CHL1: variants seen among roughly 807,000 people sequenced by gnomAD.
CHL1 encodes cell adhesion molecule L1 like, also known as neural cell adhesion molecule L1-like protein.
A neutral mutation model predicts 141.9 loss-of-function variants in CHL1; 96 were observed. That is an observed-to-expected ratio of 0.68 (90% CI 0.57 to 0.80). The LOEUF (loss-of-function observed/expected upper bound fraction) is 0.80. Among genes scored for constraint, CHL1 ranks in the 30% least tolerant of loss-of-function variants. CHL1 has a pLI of 0.00. For synonymous variants in CHL1, 613 were observed against 502.2 expected, an observed-to-expected ratio of 1.22 and a Z score of -2.95; for missense variants, 1,820 against 1,457.2, an observed-to-expected ratio of 1.25 and a Z score of -4.05.
intron 1 of CHL1, among the ~76,000 whole-genome samples, chr3:203,174 C>A (rs1367784196): frequency 1.3e-5 from 2 of 152,174 alleles, no homozygotes; most frequent in African/African-American, 2.4e-5. Flanking sequence ...AGAAGAGGCA[C>A]CATAGTCTAT....
At chr3:337,547 T>C (rs1351566673) in intron 5 of CHL1, among the ~76,000 whole-genome samples, 1 of 140,072 alleles carries the variant, frequency 7.1e-6, no homozygotes, top group African/African-American at 2.7e-5. Flanking sequence ...CCCCGGTGTG[T>C]GATGTCCCCC....
At chr3:377,679 C>T (rs1706507447) in intron 15 of CHL1, 139 bp from the exon 16 acceptor site, 1 of 668,288 alleles carries the variant, frequency 1.5e-6, no homozygotes, top group African/African-American at 1.8e-5. Flanking sequence ...GTGGCATTCT[C>T]TAATCAAATT....
At chr3:293,360 G>A (rs1274333375) in intron 2 of CHL1, among the ~76,000 whole-genome samples, 2 of 151,990 alleles carry the variant, frequency 1.3e-5, no homozygotes, top group Non-Finnish European at 1.5e-5. Flanking sequence ...AAAATTAGCC[G>A]GGCATGATGG....
intron 14 of CHL1, among the ~76,000 whole-genome samples, chr3:364,642 T>G (rs955746902): frequency 2.0e-5 from 3 of 152,194 alleles, no homozygotes; most frequent in South Asian, 4.1e-4. Context: ...GGACACTTTT[T>G]TTTTTACATA....
chr3:398,263 C>T lies in CHL1; in HGVS notation c.3131C>T (p.Thr1044Ile), dbSNP rs201824716. ...GGGAAGATATCAGGAGTAAATCTTA[C>T]TCAAAAGACTCACCCAATAGAGGTA... ...GIGKISGVNLTQKTHPIEVFE... is the reference protein window; with the variant it reads ...GIGKISGVNLIQKTHPIEVFE... Residue 1044 changes from threonine to isoleucine, a missense_variant, in exon 25 of 28, where the codon ACT (threonine) becomes ATT (isoleucine). Transcript: ENST00000256509. 202 of 1,605,804 alleles carry T rather than the reference C, an allele frequency of 1.3e-4. No homozygotes were observed. The East Asian group carries it at 4.5e-3, about 36-fold the overall frequency.
rs150429197 is a variant in CHL1 at position 372,391 on chromosome 3, G to T, written c.1752-5427G>T. 7.4e-4 allele frequency among the ~76,000 whole-genome samples: 113 copies of T among 152,082 alleles called. No individual in the cohort carries two copies. In the Middle Eastern group the frequency reaches 0.01, roughly 14 times the overall value. On this transcript the variant is annotated intron_variant, in intron 15 of 27. Transcript: ENST00000256509. ...AATCTCATGTCCTTTCTTCCACTTG[G>T]TAGCTTTGGCTACTGATACTTGTGT...
At chr3:396,450 A>T (rs1354097994) in intron 24 of CHL1, among the ~76,000 whole-genome samples, 1 of 152,190 alleles carries the variant, frequency 6.6e-6, no homozygotes, top group Non-Finnish European at 1.5e-5. Flanking sequence ...AGCACATGAG[A>T]AAAAATATTC....
chr3:250,573 C>T (rs982774934), intron 2 of CHL1, among the ~76,000 whole-genome samples: 4 of 152,058 alleles, frequency 2.6e-5, no homozygotes, highest in Non-Finnish European at 4.4e-5. Flanking sequence ...ACGGGGAAGA[C>T]CCTCACAAAA....
chr3:409,171 T>G lies in CHL1; in HGVS notation c.*3460T>G, dbSNP rs560608539. Reference sequence around the variant, plus strand: ...AATAAGTAGGGTTCAGCCAAAGCTTTCTTTGTTTTGTACCTTAAATTGTTC... The same window carrying G: ...AATAAGTAGGGTTCAGCCAAAGCTTGCTTTGTTTTGTACCTTAAATTGTTC... On this transcript the variant is annotated 3_prime_UTR_variant, in exon 28 of 28. Transcript: ENST00000256509. The G allele has an allele frequency of 1.3e-5, 2 of 152,242 alleles. No homozygotes were observed. The highest frequency in any genetic ancestry group is 2.9e-5 in the Non-Finnish European group (2 of 67,974). 9.4% of individuals were successfully genotyped at this position (152,242 alleles called of 1,614,324 possible). A position where few individuals can be genotyped will look rare whatever the true frequency, so the allele number is the denominator to read the frequency against.
chr3:280,892 C>CCA (rs141343654), intron 2 of CHL1, among the ~76,000 whole-genome samples: 2,179 of 149,662 alleles, frequency 0.015, 57 homozygotes, highest in African/African-American at 0.05. Flanking sequence ...CACACATGCA[C>CCA]CACACACACA....
chr3:240,585 C>T (rs1433890560), intron 1 of CHL1, among the ~76,000 whole-genome samples: 1 of 152,204 alleles, frequency 6.6e-6, no homozygotes, highest in Non-Finnish European at 1.5e-5. Context: ...TTTTGCTGAG[C>T]AGAAGCTCTT....
intron 1 of CHL1, among the ~76,000 whole-genome samples, chr3:231,126 A>G (rs936258635): frequency 7.9e-5 from 12 of 152,180 alleles, no homozygotes; most frequent in Non-Finnish European, 1.6e-4. Flanking sequence ...TATATTTACT[A>G]TCGGTTTTGT....
At chr3:346,197 C>T (rs2125175507) in intron 9 of CHL1, among the ~76,000 whole-genome samples, 1 of 152,284 alleles carries the variant, frequency 6.6e-6, no homozygotes, top group African/African-American at 2.4e-5. Flanking sequence ...GTAAGTTTCT[C>T]TTTCCAACCA....
intron 2 of CHL1, among the ~76,000 whole-genome samples, chr3:286,156 A>G (rs986580771): frequency 1.3e-5 from 2 of 152,102 alleles, no homozygotes; most frequent in Non-Finnish European, 2.9e-5. Flanking sequence ...CCTACCCCAG[A>G]TAACACCACC....
intron 1 of CHL1, among the ~76,000 whole-genome samples, chr3:225,466 G>C (rs1326283512): frequency 6.6e-6 from 1 of 152,176 alleles, no homozygotes; most frequent in Non-Finnish European, 1.5e-5. Flanking sequence ...GGTAGGACTT[G>C]GGTTAATGTT....
At chr3:217,902 A>G (rs1700463840) in intron 1 of CHL1, among the ~76,000 whole-genome samples, 1 of 152,194 alleles carries the variant, frequency 6.6e-6, no homozygotes, top group South Asian at 2.1e-4. Context: ...GAGGAGGACC[A>G]GTTGGTATTC....
At position 349,441 on chromosome 3, in the gene CHL1, T is replaced by G. The variant is rs753321197; in HGVS notation, c.931T>G (p.Leu311Val). The change falls in exon 10 of 28, where the codon TTG (leucine) becomes GTG (valine). Residue 311 changes from leucine (L) to valine (V), a missense_variant. Coordinates refer to ENST00000256509, the MANE Select transcript of CHL1 (RefSeq NM_006614.4). ...AACAAAAGAAAATTATGGCAAGACT[T>G]TGAAGATAGAGAATGTCTCCTACCA... ...RETKENYGKT[L>V]KIENVSYQDK... is the part of the protein sequence containing the mutation. 4 of 1,613,728 alleles carry G rather than the reference T, an allele frequency of 2.5e-6. No homozygotes were observed. The African/African-American group carries it at 5.3e-5, about 22-fold the overall frequency.
intron 11 of CHL1, among the ~76,000 whole-genome samples, chr3:358,670 C>A (rs570659240): frequency 6.6e-6 from 1 of 152,180 alleles, no homozygotes; most frequent in East Asian, 1.9e-4. Context: ...CACAACCTCA[C>A]ACTCAGGTCC....
chr3:221,020 T>C (rs992540873), intron 1 of CHL1, among the ~76,000 whole-genome samples: 1 of 152,178 alleles, frequency 6.6e-6, no homozygotes, highest in African/African-American at 2.4e-5. Flanking sequence ...CGATTCCAGG[T>C]CTTTAGATAA....
Sources: allele counts gnomAD v4.1 joint callset (sites outside exome capture counted in the v4.1 genomes callset), GRCh38; gene constraint gnomAD v4.1.1; transcripts MANE v1.5; gene names NCBI Gene and HGNC (gene_info 2026-07-23, HGNC 2026-07-21).